Variants in ACADM observed in about 807,000 individuals in gnomAD.
ACADM encodes the protein medium-chain specific acyl-CoA dehydrogenase, mitochondrial.
In ACADM, 49 loss-of-function variants were observed where a neutral mutation model predicts 58.9. The observed-to-expected ratio is 0.83, with a 90% CI of 0.66 to 1.06. ACADM has a LOEUF of 1.06. Ranked by LOEUF, ACADM falls within the 50% of genes least tolerant of loss-of-function variation. ACADM has a pLI of 0.00. For missense variants in ACADM, 496 were observed against 507.0 expected, an observed-to-expected ratio of 0.98 and a Z score of 0.21; for synonymous variants, 160 against 157.7, an observed-to-expected ratio of 1.01 and a Z score of -0.11.
In ACADM at chr1:75,759,564, C is replaced by T. The variant is rs536546030; in HGVS notation, c.946-1558C>T. Among the ~76,000 whole-genome samples, 7 of 151,640 alleles carry T rather than the reference C, an allele frequency of 4.6e-5. No individual in the cohort carries two copies. In the South Asian group the frequency reaches 1.5e-3, roughly 31 times the overall value. ...ATGTCTTCTATTTAATTCTGAGCCTCTAGAGTCTAAGAAGCATCTTTTAGT... is the reference window on the plus strand; with the variant it reads ...ATGTCTTCTATTTAATTCTGAGCCTTTAGAGTCTAAGAAGCATCTTTTAGT... On this transcript the variant is annotated intron_variant, in intron 10 of 11. Coordinates refer to ENST00000370841, the MANE Select transcript of ACADM (RefSeq NM_000016.6).
At position 75,746,377 on chromosome 1, in the gene ACADM, G is replaced by A. The variant is rs149270703; in HGVS notation, c.708+463G>A. On this transcript the variant is annotated intron_variant, in intron 8 of 11. Transcript: ENST00000370841. The stretch of plus-strand genomic sequence containing the variant: ...AGAAAAAAGTCTATGCCTGAAAAGA[G>A]TGTAGAAAATAGCAAATAGCCTTGA... 6.5e-3 allele frequency among the ~76,000 whole-genome samples: 985 copies of A among 152,222 alleles called. 16 individuals are homozygous for A. Among genetic ancestry groups the A allele is most frequent in the Admixed American group, 0.035 (529 of 15,274 alleles).
intron 1 of ACADM, among the ~76,000 whole-genome samples, chr1:75,725,203 A>G (rs1647031605): frequency 6.6e-6 from 1 of 152,098 alleles, no homozygotes; most frequent in African/African-American, 2.4e-5. Flanking sequence ...TTAATGTTTA[A>G]TAAGCTTTTC....
chr1:75,733,354 C>T, intron 4 of ACADM, 174 bp from the exon 5 acceptor site: 1 of 997,290 alleles, frequency 1.0e-6, no homozygotes, highest in Non-Finnish European at 1.4e-6. Context: ...AATTTTAGAG[C>T]TTTAAGAAAG....
At chr1:75,750,732 AC>A in intron 10 of ACADM, 186 bp downstream of exon 10, 1 of 636,586 alleles carries the variant, frequency 1.6e-6, no homozygotes, top group Non-Finnish European at 2.8e-6. Flanking sequence ...TTACTTCTGA[AC>A]CTGACACTGT....
chr1:75,745,528 A>G, intron 7 of ACADM: 1 of 239,366 alleles, frequency 4.2e-6, no homozygotes. Flanking sequence ...CTTTCAAAAT[A>G]TCATATATAC....
At chr1:75,736,524 A>T (rs971718382) in intron 6 of ACADM, among the ~76,000 whole-genome samples, 2 of 152,082 alleles carry the variant, frequency 1.3e-5, no homozygotes, top group Non-Finnish European at 2.9e-5. Flanking sequence ...AAACGTCTAG[A>T]TTGTTCTCCT....
chr1:75,760,617 A>T lies in ACADM; in HGVS notation c.946-505A>T, dbSNP rs186952893. Among the ~76,000 whole-genome samples, 280 of 149,296 alleles carry T rather than the reference A, an allele frequency of 1.9e-3. 3 individuals are homozygous for T. Among genetic ancestry groups the T allele is most frequent in the African/African-American group, 6.1e-3 (250 of 41,180 alleles). On this transcript the variant is annotated intron_variant, in intron 10 of 11. Coordinates refer to ENST00000370841, the MANE Select transcript of ACADM (RefSeq NM_000016.6). ...GAAATTGAAGGACATTTTACATAAA[A>T]TAACCAATCAACATTCTTCAGAAGT... is the stretch of plus-strand genomic sequence containing the variant.
At chr1:75,726,136 G>A (rs1647051836) in intron 1 of ACADM, among the ~76,000 whole-genome samples, 1 of 152,190 alleles carries the variant, frequency 6.6e-6, no homozygotes, top group African/African-American at 2.4e-5. Flanking sequence ...GGCCAGGTGC[G>A]GCGGCTCACG....
rs142842213 is a variant in ACADM, at chr1:75,735,041, C to T, written c.468+170C>T. Among the ~76,000 whole-genome samples the T allele has an allele frequency of 6.6e-3, 997 of 152,024 alleles. 16 individuals carry two copies. Among genetic ancestry groups the T allele is most frequent in the Admixed American group, 0.035 (532 of 15,260 alleles). ...ATGCCAAGAAAGTATCATAATAGGCCGAGGGCAATGGCTCGCACCTGTAAT... is the reference window on the plus strand; with the variant it reads ...ATGCCAAGAAAGTATCATAATAGGCTGAGGGCAATGGCTCGCACCTGTAAT... On this transcript the variant is annotated intron_variant, in intron 6 of 11. Coordinates refer to ENST00000370841, the MANE Select transcript of ACADM (RefSeq NM_000016.6).
intron 6 of ACADM, among the ~76,000 whole-genome samples, chr1:75,735,303 G>A (rs1261182113): frequency 2.9e-5 from 4 of 139,050 alleles, no homozygotes; most frequent in Non-Finnish European, 6.1e-5. Flanking sequence ...GCGACAGAGT[G>A]AGTGAGACCC....
intron 10 of ACADM, among the ~76,000 whole-genome samples, chr1:75,753,682 T>A (rs1648328523): frequency 6.6e-6 from 1 of 151,730 alleles, no homozygotes; most frequent in Admixed American, 6.6e-5. Context: ...TCTTATTAAA[T>A]ATTGAAAAAT....
intron 8 of ACADM, 54 bp from the exon 9 acceptor site, chr1:75,749,365 A>G (rs1227464898): frequency 1.3e-6 from 2 of 1,598,402 alleles, no homozygotes; most frequent in African/African-American, 2.7e-5. Context: ...ATTAAAGCAA[A>G]AATTGATGCT....
In ACADM at chr1:75,763,517, C is replaced by G. The variant is rs967424024; in HGVS notation, c.*754C>G. ...TTATCATATCTTTCTGTATTTTTTC[C>G]AGGAAATTTCATTACTTCGTGTAAT... is the stretch of plus-strand genomic sequence containing the variant. On this transcript the variant is annotated 3_prime_UTR_variant, in exon 12 of 12. Transcript: ENST00000370841. 6.6e-6 allele frequency: 1 copy of G among 151,848 alleles called. No homozygotes were observed. The highest frequency in any genetic ancestry group is 1.5e-5 in the Non-Finnish European group (1 of 67,978). 9.4% of individuals were successfully genotyped at this position (151,848 alleles called of 1,614,324 possible).
Position 75,724,776 on chromosome 1 carries a change from A to G in ACADM, c.-12A>G. ...GTGTATTATTGTCCGAGTGGCCGGA[A>G]CGGGAGCCAACATGGCAGCGGGGTT... On this transcript the variant is annotated 5_prime_UTR_variant, in exon 1 of 12. Coordinates refer to ENST00000370841, the MANE Select transcript of ACADM (RefSeq NM_000016.6). 2 of 1,525,148 alleles carry G rather than the reference A, an allele frequency of 1.3e-6. No homozygotes were observed. The allele number at this position is 1,525,148 out of a possible 1,614,324, so 94.5% of individuals were successfully genotyped here.
chr1:75,738,166 T>C (rs1358686734), intron 6 of ACADM, among the ~76,000 whole-genome samples: 52 of 152,166 alleles, frequency 3.4e-4, no homozygotes, highest in Non-Finnish European at 2.9e-5. Context: ...TCTGCCCACC[T>C]TGGCCTCCCA....
At position 75,761,190 on chromosome 1, in the gene ACADM, G is replaced by C; in HGVS notation, c.1014G>C (p.Gln338His). The C allele has an allele frequency of 6.2e-7, 1 of 1,614,176 alleles. No homozygotes were observed. Residue 338 changes from glutamine (Q) to histidine (H), a missense_variant, in exon 11 of 12, where the codon CAG becomes CAC. Transcript: ENST00000370841. ...TTGAACTAGCTAGAATGAGTTACCA[G>C]AGAGCAGCTTGGGAGGTTGATTCTG... ...MKVELARMSYQRAAWEVDSGR... is the reference protein window; with the variant it reads ...MKVELARMSYHRAAWEVDSGR...
intron 6 of ACADM, among the ~76,000 whole-genome samples, chr1:75,739,136 G>A (rs1022151985): frequency 1.3e-5 from 2 of 152,062 alleles, no homozygotes; most frequent in Non-Finnish European, 2.9e-5. Context: ...ACTTGTACCT[G>A]GAATGCATAT....
intron 1 of ACADM, among the ~76,000 whole-genome samples, chr1:75,727,262 A>G (rs1647071002): frequency 6.6e-6 from 1 of 152,238 alleles, no homozygotes; most frequent in African/African-American, 2.4e-5. Context: ...CCTTACATGT[A>G]GGAATTCGTC....
chr1:75,743,471 G>T lies in ACADM; in HGVS notation c.600-2335G>T, dbSNP rs375875108. On this transcript the variant is annotated intron_variant, in intron 7 of 11. Coordinates refer to ENST00000370841, the MANE Select transcript of ACADM (RefSeq NM_000016.6). ...TCCTCTACCGCTGCCTTGATTTTGCGGAGGAAAGTCACAGCCTCTCTGCCA... is the reference window on the plus strand; with the variant it reads ...TCCTCTACCGCTGCCTTGATTTTGCTGAGGAAAGTCACAGCCTCTCTGCCA... The T allele has an allele frequency of 6.8e-6, 11 of 1,611,536 alleles. No individual in the cohort carries two copies. The East Asian group carries it at 2.0e-4, about 29-fold the overall frequency.
Sources: gnomAD v4.1 joint callset for allele counts (sites outside exome capture counted in the v4.1 genomes callset) on GRCh38, gnomAD v4.1.1 for gene constraint, MANE v1.5 for transcripts, NCBI Gene and HGNC (gene_info 2026-07-23, HGNC 2026-07-21) for gene names.